PTGER3: variants seen among roughly 807,000 people sequenced by gnomAD.
PTGER3 encodes the protein prostaglandin E receptor 3, also known as prostaglandin E2 receptor EP3 subtype.
In PTGER3, 22 loss-of-function variants were observed where a neutral mutation model predicts 34.7. The ratio of observed to expected loss-of-function variants is 0.63; its 90% CI spans 0.45 to 0.91. The LOEUF is 0.91. Among genes scored for constraint, PTGER3 ranks in the 40% least tolerant of loss-of-function variants. The probability of loss-of-function intolerance (pLI) is 0.00; values close to 1 mark genes in which losing one functional copy is unlikely to be tolerated. For synonymous variants in PTGER3, 241 were observed against 230.1 expected (o/e 1.05, Z -0.43); for missense variants, 468 against 519.4 (o/e 0.90, Z 0.96).
intron 4 of PTGER3, among the ~76,000 whole-genome samples, chr1:70,877,583 T>G (rs1031146909): frequency 6.6e-6 from 1 of 152,198 alleles, no homozygotes; most frequent in African/African-American, 2.4e-5. Context: ...TGGTGTTGGC[T>G]ATGCGTTTGT....
intron 4 of PTGER3, among the ~76,000 whole-genome samples, chr1:70,945,516 A>C (rs536957018): frequency 7.2e-5 from 11 of 152,098 alleles, no homozygotes; most frequent in Non-Finnish European, 1.6e-4. Flanking sequence ...GATCTTATAC[A>C]ACCTAATAGG....
chr1:70,881,699 C>A (rs941808430), intron 4 of PTGER3, among the ~76,000 whole-genome samples: 1 of 152,064 alleles, frequency 6.6e-6, no homozygotes, highest in Non-Finnish European at 1.5e-5. Flanking sequence ...TTGGAGGAGA[C>A]CCCTCCAATT....
intron 2 of PTGER3, among the ~76,000 whole-genome samples, chr1:71,004,645 A>C (rs926880205): frequency 6.6e-6 from 1 of 152,238 alleles, no homozygotes; most frequent in Non-Finnish European, 1.5e-5. Flanking sequence ...AGGTCTTTGG[A>C]GACAAAGACT....
intron 1 of PTGER3, among the ~76,000 whole-genome samples, chr1:71,045,961 G>T (rs1660743781): frequency 6.6e-6 from 1 of 151,212 alleles, no homozygotes; most frequent in African/African-American, 2.4e-5. Flanking sequence ...GTTGCAGACT[G>T]AAAATCTTAT....
intron 1 of PTGER3, among the ~76,000 whole-genome samples, chr1:71,013,249 G>T: frequency 6.6e-6 from 1 of 152,018 alleles, no homozygotes; most frequent in Non-Finnish European, 1.5e-5. Flanking sequence ...ATATTTGAAG[G>T]AATATATTAT....
chr1:71,033,663 T>A (rs1388614858), intron 1 of PTGER3, among the ~76,000 whole-genome samples: 1 of 152,180 alleles, frequency 6.6e-6, no homozygotes, highest in Non-Finnish European at 1.5e-5. Flanking sequence ...GTTCTCAGCT[T>A]TGTTTCTTTT....
At chr1:71,045,552 C>T (rs978591426) in intron 1 of PTGER3, among the ~76,000 whole-genome samples, 3 of 152,258 alleles carry the variant, frequency 2.0e-5, no homozygotes, top group African/African-American at 7.2e-5. Flanking sequence ...CACTTACACA[C>T]GGACATTTCT....
chr1:70,988,325 C>A (rs984482015), intron 2 of PTGER3, among the ~76,000 whole-genome samples: 1 of 152,106 alleles, frequency 6.6e-6, no homozygotes, highest in Non-Finnish European at 1.5e-5. Context: ...TATGGCAGAG[C>A]CTTCCAATTG....
At chr1:71,027,301 T>C (rs1659017149) in intron 1 of PTGER3, among the ~76,000 whole-genome samples, 1 of 152,116 alleles carries the variant, frequency 6.6e-6, no homozygotes, top group Admixed American at 6.6e-5. Context: ...ACTACAGGCA[T>C]GTGCCACCAT....
chr1:71,006,370 C>T (rs755564641), intron 2 of PTGER3: 13 of 985,380 alleles, frequency 1.3e-5, no homozygotes, highest in Non-Finnish European at 1.6e-5. Context: ...CAATAGTGAC[C>T]TCAATAAGTA....
intron 2 of PTGER3, among the ~76,000 whole-genome samples, chr1:70,996,177 T>C (rs1557724316): frequency 1.3e-5 from 2 of 152,152 alleles, no homozygotes; most frequent in African/African-American, 2.4e-5. Flanking sequence ...TGCCAGAAAT[T>C]TCAGCATTTC....
intron 2 of PTGER3, among the ~76,000 whole-genome samples, chr1:70,983,603 G>C (rs763583487): frequency 1.3e-5 from 2 of 152,148 alleles, no homozygotes; most frequent in Non-Finnish European, 2.9e-5. Flanking sequence ...ATGATTTGCT[G>C]TCTGATTTAG....
rs1653043004 is a variant in PTGER3, at chr1:70,971,200, TG to T, written c.*529del. 1.0e-6 allele frequency: 1 copy of T among 985,324 alleles called. No homozygotes were observed. Among genetic ancestry groups the T allele is most frequent in the Non-Finnish European group, 1.2e-6 (1 of 829,952 alleles). 61.0% of individuals were successfully genotyped at this position (985,324 alleles called of 1,614,324 possible). On this transcript the variant is annotated 3_prime_UTR_variant, in exon 4 of 4. Transcript: ENST00000306666. ...ACATCTCTAAAACATTAATCATAAT[TG>T]GGCACAAATATTTTTTGTCACGATT...
At chr1:71,010,162 T>C in intron 2 of PTGER3, 1 of 985,124 alleles carries the variant, frequency 1.0e-6, no homozygotes, top group Non-Finnish European at 1.2e-6. Flanking sequence ...TGCAGTTTGA[T>C]GAAAAGTGAT....
At chr1:70,929,940 T>C (rs1648527795) in intron 4 of PTGER3, among the ~76,000 whole-genome samples, 1 of 152,180 alleles carries the variant, frequency 6.6e-6, no homozygotes, top group Non-Finnish European at 1.5e-5. Context: ...ATATAAGATC[T>C]CTTATCAGCT....
At chr1:70,976,301 TAC>T (rs1410896532) in intron 2 of PTGER3, among the ~76,000 whole-genome samples, 1 of 152,078 alleles carries the variant, frequency 6.6e-6, no homozygotes, top group Admixed American at 6.6e-5. Flanking sequence ...CCATGGAATG[TAC>T]AACAGCAAGA....
intron 2 of PTGER3, among the ~76,000 whole-genome samples, chr1:70,994,069 T>C (rs1023674326): frequency 3.3e-5 from 5 of 152,214 alleles, no homozygotes; most frequent in Non-Finnish European, 7.3e-5. Flanking sequence ...CTCTGCTCTT[T>C]GCCAGTTGCT....
At chr1:70,858,799 T>C (rs1269556207) in intron 4 of PTGER3, among the ~76,000 whole-genome samples, 1 of 152,194 alleles carries the variant, frequency 6.6e-6, no homozygotes, top group East Asian at 1.9e-4. Flanking sequence ...AAAATAGAGG[T>C]AATATCTGTT....
At chr1:70,968,756 T>C (rs1309904735), downstream of PTGER3, among the ~76,000 whole-genome samples, 1 of 151,894 alleles carries the variant, frequency 6.6e-6, no homozygotes, top group African/African-American at 2.4e-5. Context: ...TATATAGATA[T>C]ACAGTTTCTC....
Sources: gnomAD v4.1 joint callset for allele counts (sites outside exome capture counted in the v4.1 genomes callset) on GRCh38, gnomAD v4.1.1 for gene constraint, MANE v1.5 for transcripts, NCBI Gene and HGNC (gene_info 2026-07-23, HGNC 2026-07-21) for gene names.